GALNTL6: variants seen among roughly 807,000 people sequenced by gnomAD.
The protein encoded by GALNTL6 is polypeptide N-acetylgalactosaminyltransferase like 6.
In GALNTL6, 46 loss-of-function variants were observed where a neutral mutation model predicts 73.7. The observed-to-expected ratio is 0.62, with a 90% CI of 0.49 to 0.80. The LOEUF (loss-of-function observed/expected upper bound fraction) is 0.80, where lower values mean the gene tolerates loss of function less well. Ranked by LOEUF, GALNTL6 falls within the 30% of genes least tolerant of loss-of-function variation. GALNTL6 has a pLI of 0.00. For synonymous variants in GALNTL6, 259 were observed against 263.7 expected (o/e 0.98, Z 0.17); for missense variants, 604 against 755.0 (o/e 0.80, Z 2.34).
chr4:171,843,131 T>C (rs979699167), intron 2 of GALNTL6, among the ~76,000 whole-genome samples: 1 of 152,152 alleles, frequency 6.6e-6, no homozygotes, highest in Non-Finnish European at 1.5e-5. Flanking sequence ...TAAAGAAATC[T>C]TCTATTAGTT....
At chr4:172,124,937 A>C (rs1733254433) in intron 2 of GALNTL6, among the ~76,000 whole-genome samples, 1 of 152,214 alleles carries the variant, frequency 6.6e-6, no homozygotes, top group Non-Finnish European at 1.5e-5. Flanking sequence ...AGAGCACAGA[A>C]TGAATTTATG....
At chr4:171,949,210 C>T (rs570024637) in intron 2 of GALNTL6, among the ~76,000 whole-genome samples, 1 of 152,190 alleles carries the variant, frequency 6.6e-6, no homozygotes, top group Non-Finnish European at 1.5e-5. Context: ...TGTAGGGGAG[C>T]CCACTACCAA....
intron 2 of GALNTL6, among the ~76,000 whole-genome samples, chr4:172,151,929 T>C (rs1352217662): frequency 6.9e-6 from 1 of 145,918 alleles, no homozygotes; most frequent in Non-Finnish European, 1.5e-5. Context: ...TAATCTATAA[T>C]ATAAATTTAT....
At chr4:172,411,741 T>C (rs1348380399) in intron 5 of GALNTL6, among the ~76,000 whole-genome samples, 1 of 152,074 alleles carries the variant, frequency 6.6e-6, no homozygotes, top group African/African-American at 2.4e-5. Flanking sequence ...CACACCAGTA[T>C]GCTATGGAAC....
At chr4:172,549,724 C>G (rs570655772) in intron 5 of GALNTL6, among the ~76,000 whole-genome samples, 2 of 152,160 alleles carry the variant, frequency 1.3e-5, no homozygotes, top group Non-Finnish European at 2.9e-5. Context: ...TATTACAAAT[C>G]TATTTTTAAG....
At chr4:172,065,367 T>C (rs538244053) in intron 2 of GALNTL6, among the ~76,000 whole-genome samples, 5 of 152,220 alleles carry the variant, frequency 3.3e-5, no homozygotes, top group Admixed American at 1.3e-4. Flanking sequence ...CTACTCACCT[T>C]CTACTGTGCT....
chr4:172,295,493 G>A (rs560175261), intron 3 of GALNTL6, among the ~76,000 whole-genome samples: 12 of 143,082 alleles, frequency 8.4e-5, no homozygotes, highest in Admixed American at 2.1e-4. Context: ...TATTATCCCC[G>A]CATGGTTGCA....
intron 2 of GALNTL6, among the ~76,000 whole-genome samples, chr4:171,985,475 G>A (rs1740041956): frequency 6.6e-6 from 1 of 152,058 alleles, no homozygotes; most frequent in South Asian, 2.1e-4. Context: ...ATGAGATTTG[G>A]GTGAGGACAC....
chr4:172,463,399 G>A (rs1732685749), intron 5 of GALNTL6, among the ~76,000 whole-genome samples: 1 of 151,614 alleles, frequency 6.6e-6, no homozygotes, highest in African/African-American at 2.4e-5. Context: ...ACTTTTGGAT[G>A]TGTCAGGATT....
At chr4:172,237,756 AT>A (rs984057314) in intron 3 of GALNTL6, among the ~76,000 whole-genome samples, 6 of 152,046 alleles carry the variant, frequency 3.9e-5, no homozygotes, top group Non-Finnish European at 7.4e-5. Context: ...TCTTGAGCTG[AT>A]TTTTTTATAT....
rs1212706952 is a variant in GALNTL6 at position 172,487,300 on chromosome 4, G to GTCTT, written c.553+138666_553+138669dup. On this transcript the variant is annotated intron_variant, in intron 5 of 12. Coordinates refer to ENST00000506823, the MANE Select transcript of GALNTL6 (RefSeq NM_001034845.3). ...TTTCTTTCTTTCCTTCTTTCCTTCT[G>GTCTT]TCTTTCTTTCTTTCTTTCTTTCTTT... Among the ~76,000 whole-genome samples, 1,039 of 118,636 alleles carry GTCTT rather than the reference G, an allele frequency of 8.8e-3. 22 individuals are homozygous for GTCTT. Among genetic ancestry groups the GTCTT allele is most frequent in the African/African-American group, 0.031 (977 of 31,098 alleles). 77.8% of individuals were successfully genotyped at this position (118,636 alleles called of 152,430 possible). A position where few individuals can be genotyped will look rare whatever the true frequency, so the allele number is the denominator to read the frequency against.
intron 2 of GALNTL6, among the ~76,000 whole-genome samples, chr4:172,134,395 G>T (rs1371449645): frequency 6.9e-6 from 1 of 145,060 alleles, no homozygotes; most frequent in African/African-American, 2.5e-5. Flanking sequence ...AAAAAAAAAA[G>T]GTAGTAACAG....
At chr4:172,855,831 G>T (rs930142979) in intron 7 of GALNTL6, among the ~76,000 whole-genome samples, 10 of 152,170 alleles carry the variant, frequency 6.6e-5, no homozygotes, top group African/African-American at 2.4e-4. Context: ...ATTCTGTGTT[G>T]TTGCTAAAGT....
At chr4:172,161,970 A>G (rs529993379) in intron 2 of GALNTL6, among the ~76,000 whole-genome samples, 1 of 152,184 alleles carries the variant, frequency 6.6e-6, no homozygotes, top group South Asian at 2.1e-4. Flanking sequence ...GTAAAAGTGA[A>G]GTGGGAAAAC....
intron 2 of GALNTL6, among the ~76,000 whole-genome samples, chr4:172,214,077 CT>C (rs1265218001): frequency 1.4e-4 from 21 of 152,122 alleles, no homozygotes; most frequent in Admixed American, 1.3e-4. Flanking sequence ...ACTGACTTGT[CT>C]TTGTTTCATT....
At chr4:172,620,500 T>G (rs559531645) in intron 5 of GALNTL6, among the ~76,000 whole-genome samples, 21 of 152,318 alleles carry the variant, frequency 1.4e-4, no homozygotes, top group South Asian at 6.2e-4. Flanking sequence ...TCTAGAAATA[T>G]CAATTGTTCT....
At chr4:172,926,688 A>T (rs954017370) in intron 8 of GALNTL6, among the ~76,000 whole-genome samples, 1 of 152,194 alleles carries the variant, frequency 6.6e-6, no homozygotes, top group African/African-American at 2.4e-5. Context: ...AGATGATAAG[A>T]AAGTTTCTTT....
intron 2 of GALNTL6, among the ~76,000 whole-genome samples, chr4:172,191,493 A>G (rs1328332878): frequency 6.6e-6 from 1 of 151,898 alleles, no homozygotes; most frequent in Non-Finnish European, 1.5e-5. Context: ...TAAAGCCCAA[A>G]CCCCTCAGCT....
chr4:172,596,078 C>G (rs1408613765), intron 5 of GALNTL6, among the ~76,000 whole-genome samples: 1 of 152,086 alleles, frequency 6.6e-6, no homozygotes, highest in Non-Finnish European at 1.5e-5. Flanking sequence ...TACGACTTTT[C>G]TTTTTACTAA....
Sources: allele counts gnomAD v4.1 joint callset (sites outside exome capture counted in the v4.1 genomes callset), GRCh38; gene constraint gnomAD v4.1.1; transcripts MANE v1.5; gene names NCBI Gene and HGNC (gene_info 2026-07-23, HGNC 2026-07-21).